The following ERI3 variants were observed in gnomAD, a reference collection of about 807,000 sequenced individuals.
ERI3 encodes the protein ERI1 exoribonuclease 3.
ERI3 carries 18 observed loss-of-function variants against 44.4 expected under a neutral mutation model. That is an observed-to-expected ratio of 0.41 (90% CI 0.28 to 0.60). ERI3 has a LOEUF of 0.60. Among genes scored for constraint, ERI3 ranks in the 20% least tolerant of loss-of-function variants. The pLI is 0.36. For synonymous variants in ERI3, 183 were observed against 164.8 expected (o/e 1.11, Z -0.84); for missense variants, 294 against 435.5 (o/e 0.68, Z 2.89).
chr1:44,301,753 G>A (rs371877364), intron 6 of ERI3, among the ~76,000 whole-genome samples: 22 of 152,264 alleles, frequency 1.4e-4, no homozygotes, highest in South Asian at 8.3e-4. Context: ...GAGGAATTGC[G>A]GTCTTCTAGG....
intron 7 of ERI3, among the ~76,000 whole-genome samples, chr1:44,256,198 G>A (rs944412662): frequency 1.1e-4 from 17 of 152,172 alleles, no homozygotes; most frequent in Admixed American, 2.0e-4. Flanking sequence ...CCTGGTTTCC[G>A]GAGCTGCTAC....
At chr1:44,296,349 G>A (rs552073258) in intron 6 of ERI3, among the ~76,000 whole-genome samples, 41 of 152,334 alleles carry the variant, frequency 2.7e-4, no homozygotes, top group African/African-American at 8.9e-4. Context: ...GGGGGCGAGC[G>A]AGGGAGCCAG....
rs58901342 is a variant in ERI3 at position 44,259,689 on chromosome 1, G to GACACACACACACACACACACAC, written c.832-11673_832-11652dup. ...AAATCCTATCTCTACAAAACACACAGACACACACACACACACACACACACA... is the reference window on the plus strand; with the variant it reads ...AAATCCTATCTCTACAAAACACACAGACACACACACACACACACACACACACACACACACACACACACACACA... On this transcript the variant is annotated intron_variant, in intron 7 of 8. Coordinates refer to ENST00000372257, the MANE Select transcript of ERI3 (RefSeq NM_024066.3). Among the ~76,000 whole-genome samples the GACACACACACACACACACACAC allele has an allele frequency of 7.8e-3, 1,101 of 140,316 alleles. 17 individuals carry two copies. Among genetic ancestry groups the GACACACACACACACACACACAC allele is most frequent in the African/African-American group, 0.018 (640 of 36,012 alleles). The allele number at this position is 140,316 out of a possible 152,430, so 92.1% of individuals were successfully genotyped here. A position where few individuals can be genotyped will look rare whatever the true frequency, so the allele number is the denominator to read the frequency against.
At chr1:44,243,567 G>C (rs1557779032) in intron 8 of ERI3, 1 of 152,370 alleles carries the variant, frequency 6.6e-6, no homozygotes, top group Non-Finnish European at 1.5e-5. Flanking sequence ...ACTCCCAGAG[G>C]AGGTGGCCCC....
At chr1:44,338,762 G>C (rs910145186) in intron 3 of ERI3, among the ~76,000 whole-genome samples, 3 of 152,250 alleles carry the variant, frequency 2.0e-5, no homozygotes, top group South Asian at 2.1e-4. Flanking sequence ...GAGAATGGAG[G>C]AAAGAAGAGA....
At chr1:44,225,978 AAGAC>A (rs1644029134) in intron 8 of ERI3, among the ~76,000 whole-genome samples, 1 of 152,198 alleles carries the variant, frequency 6.6e-6, no homozygotes, top group Non-Finnish European at 1.5e-5. Context: ...AAGGAACTCA[AAGAC>A]AGCCCTGTCA....
intron 8 of ERI3, among the ~76,000 whole-genome samples, chr1:44,237,071 T>C (rs896325583): frequency 1.6e-4 from 24 of 152,148 alleles, no homozygotes; most frequent in Non-Finnish European, 7.4e-5. Context: ...GGGGAGCGCC[T>C]GGCCCGGGGA....
rs150373905 is a variant in ERI3 at position 44,237,137 on chromosome 1, T to C, written c.931+10802A>G. 1.2e-3 allele frequency among the ~76,000 whole-genome samples: 185 copies of C among 152,248 alleles called. 1 individual carries two copies. Among genetic ancestry groups the C allele is most frequent in the African/African-American group, 4.2e-3 (173 of 41,534 alleles). On this transcript the variant is annotated intron_variant, in intron 8 of 8. Coordinates refer to ENST00000372257, the MANE Select transcript of ERI3 (RefSeq NM_024066.3). ...CATCCTGAAGGCTTAGGTGCTTCCA[T>C]GGAAGAACAGGGCTGGATCTGGCAC...
chr1:44,351,659 T>C lies in ERI3; in HGVS notation c.211+1191A>G, dbSNP rs376870910. Among the ~76,000 whole-genome samples, 6 of 152,164 alleles carry C rather than the reference T, an allele frequency of 3.9e-5. No individual in the cohort carries two copies. In the South Asian group the frequency reaches 1.0e-3, roughly 26 times the overall value. The stretch of plus-strand genomic sequence containing the variant: ...CTAATCTAATCTTTTTTCTACTCCC[T>C]GGTCTAATCCTAAGAGTTTATAAGG... On this transcript the variant is annotated intron_variant, in intron 2 of 8. Coordinates refer to ENST00000372257, the MANE Select transcript of ERI3 (RefSeq NM_024066.3).
chr1:44,260,075 C>CAA (rs1170044301), intron 7 of ERI3, among the ~76,000 whole-genome samples: 5 of 152,182 alleles, frequency 3.3e-5, no homozygotes, highest in Non-Finnish European at 7.3e-5. Context: ...AGAAAGTACA[C>CAA]AAGCATTCAT....
At position 44,235,118 on chromosome 1, in the gene ERI3, G is replaced by C. The variant is rs572150169; in HGVS notation, c.931+12821C>G. Among the ~76,000 whole-genome samples, 14 of 152,282 alleles carry C rather than the reference G, an allele frequency of 9.2e-5. No homozygotes were observed. The East Asian group carries it at 2.7e-3, about 29-fold the overall frequency. On this transcript the variant is annotated intron_variant, in intron 8 of 8. Transcript: ENST00000372257. This position sits in a 1 kb window ranked among gnomAD's most constrained non-coding sequence, Gnocchi z 4.6. ...GCACCACTTCCAGTGGCTCCTCACT[G>C]CTCTCAGGACTGCTCAGCTAATCCC...
chr1:44,222,333 C>T (rs1643919936), intron 8 of ERI3, among the ~76,000 whole-genome samples: 1 of 152,242 alleles, frequency 6.6e-6, no homozygotes, highest in African/African-American at 2.4e-5. Flanking sequence ...CCTTGGCCAT[C>T]AGCCGTCTAC....
chr1:44,311,517 T>A (rs1645972681), intron 5 of ERI3, among the ~76,000 whole-genome samples: 1 of 152,096 alleles, frequency 6.6e-6, no homozygotes, highest in African/African-American at 2.4e-5. Flanking sequence ...ACCCACAAAG[T>A]ATACAGAAGT....
intron 8 of ERI3, among the ~76,000 whole-genome samples, chr1:44,244,574 TTACCTGGTGTCC>T (rs1415223983): frequency 6.6e-6 from 1 of 152,112 alleles, no homozygotes; most frequent in Non-Finnish European, 1.5e-5. Context: ...AAAGAAAGTT[TTACCTGGTGTCC>T]TACCTCTATT....
chr1:44,257,880 T>C (rs1644812018), intron 7 of ERI3, among the ~76,000 whole-genome samples: 1 of 152,172 alleles, frequency 6.6e-6, no homozygotes, highest in Non-Finnish European at 1.5e-5. Context: ...TCATATCATA[T>C]AACAAGTGAG....
intron 2 of ERI3, among the ~76,000 whole-genome samples, chr1:44,345,949 A>C (rs1292864630): frequency 6.6e-6 from 1 of 152,228 alleles, no homozygotes; most frequent in Non-Finnish European, 1.5e-5. Flanking sequence ...AAAAGGCCTC[A>C]CTAGTCATTT....
intron 8 of ERI3, among the ~76,000 whole-genome samples, chr1:44,226,338 T>C (rs1276350421): frequency 2.6e-5 from 4 of 151,964 alleles, no homozygotes; most frequent in South Asian, 2.1e-4. Context: ...ATGATGGACA[T>C]TGACATGTTT....
chr1:44,292,725 A>C (rs1645534042), intron 6 of ERI3, among the ~76,000 whole-genome samples: 1 of 152,188 alleles, frequency 6.6e-6, no homozygotes, highest in African/African-American at 2.4e-5. Flanking sequence ...TTATCAGCCC[A>C]CTTTGCCCCC....
chr1:44,221,384 CCAAGCCCTTGCAAGGGCA>C lies in ERI3; in HGVS notation c.*156_*173del, dbSNP rs1643895386. The C allele has an allele frequency of 3.0e-5, 18 of 600,322 alleles. No individual in the cohort carries two copies. In the South Asian group the frequency reaches 3.6e-4, roughly 12 times the overall value. 37.2% of individuals were successfully genotyped at this position (600,322 alleles called of 1,614,324 possible). On this transcript the variant is annotated 3_prime_UTR_variant, in exon 9 of 9. Coordinates refer to ENST00000372257, the MANE Select transcript of ERI3 (RefSeq NM_024066.3). The surrounding 1 kb of genome is among the most constrained non-coding windows in gnomAD (Gnocchi z 5.9). The stretch of plus-strand genomic sequence containing the variant: ...TGTCTGCTCCAGAAGGGCCAAGTGG[CCAAGCCCTTGCAAGGGCA>C]CAAGCCCACGCCAAGGGCATGAGCC...
Sources: gnomAD v4.1 joint callset for allele counts (sites outside exome capture counted in the v4.1 genomes callset) on GRCh38, gnomAD v4.1.1 for gene constraint, Gnocchi (gnomAD v3.1) non-coding constraint, MANE v1.5 for transcripts, NCBI Gene and HGNC (gene_info 2026-07-23, HGNC 2026-07-21) for gene names.